Variants in AHR observed in about 807,000 individuals in gnomAD.
AHR encodes the protein aryl hydrocarbon receptor, also known as AH-receptor.
A neutral mutation model predicts 86.8 loss-of-function variants in AHR; 40 were observed. The observed-to-expected ratio is 0.46, with a 90% CI of 0.36 to 0.60. AHR has a LOEUF of 0.60. Among genes scored for constraint, AHR ranks in the 20% least tolerant of loss-of-function variants. The pLI, the probability that AHR is intolerant of heterozygous loss-of-function variation, is 0.00. For missense variants in AHR, 1,001 were observed against 1,011.6 expected (o/e 0.99, Z 0.14); for synonymous variants, 398 against 354.9 (o/e 1.12, Z -1.37).
intron 3 of AHR, among the ~76,000 whole-genome samples, chr7:17,323,115 G>C (rs1270380115): frequency 3.3e-5 from 5 of 152,056 alleles, no homozygotes; most frequent in African/African-American, 7.2e-5. Flanking sequence ...GACTGTATAT[G>C]AAGTAGATTA....
intron 10 of AHR, among the ~76,000 whole-genome samples, chr7:17,342,227 A>C (rs977062976): frequency 6.6e-6 from 1 of 152,144 alleles, no homozygotes; most frequent in Non-Finnish European, 1.5e-5. Flanking sequence ...CTACAGAGCT[A>C]TACATCTTCA....
At chr7:17,299,428 G>C (rs1781931018) in intron 1 of AHR, 99 bp downstream of exon 1, 3 of 1,380,920 alleles carry the variant, frequency 2.2e-6, no homozygotes, top group African/African-American at 2.9e-5. Context: ...TGCGATCCTG[G>C]GATTAGGTCC....
At chr7:17,316,962 A>G (rs1171316342) in intron 2 of AHR, among the ~76,000 whole-genome samples, 1 of 152,098 alleles carries the variant, frequency 6.6e-6, no homozygotes, top group Admixed American at 6.6e-5. Context: ...TGTTTGATAA[A>G]GATGCTTGCT....
At chr7:17,342,822 CA>C in intron 10 of AHR, 98 bp from the exon 11 acceptor site, 1 of 1,191,830 alleles carries the variant, frequency 8.4e-7, no homozygotes, top group Non-Finnish European at 1.2e-6. Context: ...TTACAACTCT[CA>C]GGGGTAAGAT....
At chr7:17,342,884 C>G (rs1413997807) in intron 10 of AHR, 37 bp from the exon 11 acceptor site, 3 of 1,584,488 alleles carry the variant, frequency 1.9e-6, no homozygotes, top group Non-Finnish European at 1.7e-6. Flanking sequence ...CTTGGAAGAT[C>G]TATTCCAATA....
chr7:17,330,983 A>C, intron 6 of AHR, 97 bp downstream of exon 6: 1 of 1,349,000 alleles, frequency 7.4e-7, no homozygotes, highest in East Asian at 2.4e-5. Context: ...GCAGAGAACT[A>C]TTCCCAAATC....
chr7:17,344,521 G>GT lies in AHR; in HGVS notation c.*1464dup, dbSNP rs1179810460. 2.0e-5 allele frequency: 3 copies of GT among 149,844 alleles called. No homozygotes were observed. Among genetic ancestry groups the GT allele is most frequent in the Non-Finnish European group, 3.0e-5 (2 of 67,348 alleles). The allele number at this position is 149,844 out of a possible 1,614,324, so 9.3% of individuals were successfully genotyped here. A position where few individuals can be genotyped will look rare whatever the true frequency, so the allele number is the denominator to read the frequency against. On this transcript the variant is annotated 3_prime_UTR_variant, in exon 11 of 11. Coordinates refer to ENST00000242057, the MANE Select transcript of AHR (RefSeq NM_001621.5). ...TAGTTCGTTTACCTTCAAACTTTAG[G>GT]TTTTTTTAATGATATACTGATCTTC...
intron 1 of AHR, 100 bp downstream of exon 1, chr7:17,299,429 G>T (rs1399706377): frequency 5.1e-6 from 7 of 1,373,038 alleles, no homozygotes; most frequent in Non-Finnish European, 6.0e-6. Context: ...GCGATCCTGG[G>T]ATTAGGTCCA....
intron 3 of AHR, among the ~76,000 whole-genome samples, chr7:17,325,382 G>A (rs1318312577): frequency 1.3e-5 from 2 of 152,108 alleles, no homozygotes; most frequent in African/African-American, 4.8e-5. Flanking sequence ...GTTTGAAAAA[G>A]TATGATGTTC....
At chr7:17,338,798 T>C (rs1238407194) in intron 9 of AHR, among the ~76,000 whole-genome samples, 188 bp from the exon 10 acceptor site, 1 of 152,208 alleles carries the variant, frequency 6.6e-6, no homozygotes, top group African/African-American at 2.4e-5. Flanking sequence ...TTAAATCATT[T>C]AAATATGCTT....
intron 1 of AHR, among the ~76,000 whole-genome samples, chr7:17,305,873 A>G (rs935962107): frequency 6.6e-6 from 1 of 152,172 alleles, no homozygotes; most frequent in South Asian, 2.1e-4. Flanking sequence ...AAGGCTTTCA[A>G]GATAGCATTC....
At chr7:17,300,787 G>C (rs545927188) in intron 1 of AHR, among the ~76,000 whole-genome samples, 23 of 152,224 alleles carry the variant, frequency 1.5e-4, no homozygotes, top group African/African-American at 5.3e-4. Flanking sequence ...TGTTCTATGT[G>C]TTTATTAATA....
At chr7:17,319,561 C>T (rs924456878) in intron 2 of AHR, among the ~76,000 whole-genome samples, 1 of 152,076 alleles carries the variant, frequency 6.6e-6, no homozygotes, top group Non-Finnish European at 1.5e-5. Flanking sequence ...GGATATAATA[C>T]GTGGAAAGTG....
At chr7:17,320,888 A>G (rs918581632) in intron 2 of AHR, among the ~76,000 whole-genome samples, 5 of 152,094 alleles carry the variant, frequency 3.3e-5, no homozygotes, top group African/African-American at 1.2e-4. Flanking sequence ...TGTTTCTTGC[A>G]AAGAGATATG....
At chr7:17,318,629 C>T (rs894368048) in intron 2 of AHR, among the ~76,000 whole-genome samples, 2 of 152,098 alleles carry the variant, frequency 1.3e-5, no homozygotes, top group African/African-American at 4.8e-5. Context: ...ACAGCAGATA[C>T]TTCCCAGCTG....
At chr7:17,336,001 A>G (rs1260970152) in intron 9 of AHR, 8 of 428,442 alleles carry the variant, frequency 1.9e-5, no homozygotes, top group Non-Finnish European at 2.8e-5. Context: ...AAAGAATAAT[A>G]AAACTCTAGG....
intron 2 of AHR, among the ~76,000 whole-genome samples, chr7:17,316,480 TG>T (rs1301179459): frequency 1.3e-5 from 2 of 152,114 alleles, no homozygotes; most frequent in African/African-American, 4.8e-5. Flanking sequence ...TAGCTGGGCT[TG>T]GTGGTGTACT....
At chr7:17,323,733 A>T (rs2115360144) in intron 3 of AHR, among the ~76,000 whole-genome samples, 1 of 152,310 alleles carries the variant, frequency 6.6e-6, no homozygotes, top group Non-Finnish European at 1.5e-5. Context: ...AATCACATTC[A>T]AAGTCCTGTT....
intron 1 of AHR, among the ~76,000 whole-genome samples, chr7:17,305,007 G>C (rs1327761007): frequency 1.3e-5 from 2 of 152,054 alleles, no homozygotes; most frequent in Admixed American, 1.3e-4. Flanking sequence ...TCATTTTCCT[G>C]ATCTTCCCTG....
Sources: allele counts gnomAD v4.1 joint callset (sites outside exome capture counted in the v4.1 genomes callset), GRCh38; gene constraint gnomAD v4.1.1; transcripts MANE v1.5; gene names NCBI Gene and HGNC (gene_info 2026-07-23, HGNC 2026-07-21).